The following NAT1 variants were observed in gnomAD, a reference collection of about 807,000 sequenced individuals.
NAT1 encodes the protein N-acetyltransferase 1, also known as arylamine N-acetyltransferase 1.
For missense variants in NAT1, 400 were observed against 339.2 expected (o/e 1.18, Z -1.41); for synonymous variants, 144 against 122.6 (o/e 1.17, Z -1.16).
chr8:18,192,538 C>T (rs1292440584), intron 2 of NAT1, among the ~76,000 whole-genome samples: 2 of 152,152 alleles, frequency 1.3e-5, no homozygotes, highest in Admixed American at 1.3e-4. Flanking sequence ...GACACATGCA[C>T]ACCTATGTTT....
intron 2 of NAT1, among the ~76,000 whole-genome samples, chr8:18,178,097 A>C (rs1488319373): frequency 1.3e-5 from 2 of 152,076 alleles, no homozygotes; most frequent in Non-Finnish European, 2.9e-5. Flanking sequence ...GGACAGAGGG[A>C]GGGAGATGGG....
intron 2 of NAT1, among the ~76,000 whole-genome samples, chr8:18,192,059 A>C (rs2117260180): frequency 6.6e-6 from 1 of 151,574 alleles, no homozygotes; most frequent in Middle Eastern, 3.4e-3. Context: ...GGCAACCTAC[A>C]AAATGGGAGA....
At chr8:18,189,098 A>C (rs1158933292) in intron 2 of NAT1, among the ~76,000 whole-genome samples, 2 of 152,116 alleles carry the variant, frequency 1.3e-5, no homozygotes, top group Admixed American at 1.3e-4. Context: ...TCTCAGTAAG[A>C]AATATTTATT....
chr8:18,222,238 G>A lies in NAT1; in HGVS notation c.191G>A (p.Arg64Gln), dbSNP rs138061602. 30 of 1,614,072 alleles carry A rather than the reference G, an allele frequency of 1.9e-5. No homozygotes were observed. Among genetic ancestry groups the A allele is most frequent in the East Asian group, 1.3e-4 (6 of 44,866 alleles). The change falls in exon 3 of 3, where the codon CGG becomes CAG. Residue 64 changes from arginine (R) to glutamine (Q), a missense_variant. Arg to Gln is a conservative substitution (Grantham distance 43). Transcript: ENST00000307719. ...TTTGATCAAGTTGTGAGAAGAAATC[G>A]GGGTGGATGGTGTCTCCAGGTCAAT... ...AIFDQVVRRN[R>Q]GGWCLQVNHL...
chr8:18,189,060 T>C (rs549444662), intron 2 of NAT1, among the ~76,000 whole-genome samples: 1 of 151,142 alleles, frequency 6.6e-6, no homozygotes, highest in African/African-American at 2.4e-5. Context: ...CTATCACATC[T>C]GCAGAGTATT....
At chr8:18,211,742 T>C (rs1191347600) in intron 1 of NAT1, among the ~76,000 whole-genome samples, 3 of 152,084 alleles carry the variant, frequency 2.0e-5, no homozygotes, top group African/African-American at 7.2e-5. Flanking sequence ...GGCTAGGTTG[T>C]AGTGTCAATT....
intron 2 of NAT1, among the ~76,000 whole-genome samples, chr8:18,173,815 A>G (rs1408794006): frequency 1.3e-5 from 2 of 152,190 alleles, no homozygotes; most frequent in Non-Finnish European, 2.9e-5. Flanking sequence ...CGACTACCCC[A>G]TAACATCAGA....
intron 1 of NAT1, among the ~76,000 whole-genome samples, chr8:18,215,102 G>A (rs555987730): frequency 6.6e-5 from 10 of 152,234 alleles, no homozygotes; most frequent in African/African-American, 2.4e-4. Flanking sequence ...TGGGCATTTA[G>A]GTTGATTCTG....
At chr8:18,206,238 C>G (rs902398621), upstream of NAT1, among the ~76,000 whole-genome samples, 1 of 152,164 alleles carries the variant, frequency 6.6e-6, no homozygotes, top group Non-Finnish European at 1.5e-5. Context: ...AGGGACAACA[C>G]CAGGTATGCA....
intron 2 of NAT1, among the ~76,000 whole-genome samples, chr8:18,203,197 C>G (rs1359644855): frequency 6.6e-6 from 1 of 152,036 alleles, no homozygotes; most frequent in Non-Finnish European, 1.5e-5. Context: ...TTTCACTACC[C>G]AAATATATGA....
chr8:18,171,235 C>T lies in NAT1; in HGVS notation n.92+496C>T, dbSNP rs115483568. On this transcript the variant is annotated intron_variant and non_coding_transcript_variant, in intron 2 of 4. Transcript: ENST00000517441. ...AGGTAATCTAAAATTAAAGTGGCCA[C>T]AGTGGTGACATTTAATTTGGACAGA... is the stretch of plus-strand genomic sequence containing the variant. Among the ~76,000 whole-genome samples the T allele has an allele frequency of 5.8e-3, 878 of 152,262 alleles. 7 individuals are homozygous for T. Among genetic ancestry groups the T allele is most frequent in the African/African-American group, 0.02 (832 of 41,534 alleles).
At position 18,197,984 on chromosome 8, in the gene NAT1, A is replaced by G. The variant is rs920060737; in HGVS notation, n.93-11797A>G. Reference sequence around the variant, plus strand: ...ATGATGAGACAACAAGGGATGCCAAAACAATTTAGAAAGAATATACTTACT... The same window carrying G: ...ATGATGAGACAACAAGGGATGCCAAGACAATTTAGAAAGAATATACTTACT... On this transcript the variant is annotated intron_variant and non_coding_transcript_variant, in intron 2 of 4. Coordinates refer to the NAT1 transcript ENST00000517441. 6.6e-5 allele frequency among the ~76,000 whole-genome samples: 10 copies of G among 152,264 alleles called. No homozygotes were observed. The East Asian group carries it at 1.2e-3, about 18-fold the overall frequency.
chr8:18,215,473 GTTGA>G (rs966107877), intron 1 of NAT1, among the ~76,000 whole-genome samples: 6 of 152,118 alleles, frequency 3.9e-5, no homozygotes, highest in Non-Finnish European at 8.8e-5. Flanking sequence ...TATGTATTCT[GTTGA>G]TTAATTAGTT....
At chr8:18,213,949 G>T (rs1020224806) in intron 1 of NAT1, among the ~76,000 whole-genome samples, 8 of 152,036 alleles carry the variant, frequency 5.3e-5, no homozygotes, top group African/African-American at 1.9e-4. Flanking sequence ...GAGTAGCTGG[G>T]ACTACAGGCA....
chr8:18,184,792 T>G (rs565327502), intron 2 of NAT1, among the ~76,000 whole-genome samples: 1 of 152,300 alleles, frequency 6.6e-6, no homozygotes, highest in Non-Finnish European at 1.5e-5. Context: ...CTCTTGGCCC[T>G]TCCACTTTCT....
chr8:18,203,998 T>G (rs2085606580), intron 2 of NAT1, among the ~76,000 whole-genome samples: 1 of 152,168 alleles, frequency 6.6e-6, no homozygotes, highest in Non-Finnish European at 1.5e-5. Context: ...AAAGTCCACT[T>G]GCATAAGAAA....
At chr8:18,218,245 G>A (rs766951800) in intron 1 of NAT1, among the ~76,000 whole-genome samples, 3 of 151,956 alleles carry the variant, frequency 2.0e-5, no homozygotes, top group Admixed American at 6.6e-5. Flanking sequence ...TTTGTAATTC[G>A]GTATTCTTGG....
intron 2 of NAT1, among the ~76,000 whole-genome samples, chr8:18,174,030 G>C (rs1442976983): frequency 6.6e-6 from 1 of 152,134 alleles, no homozygotes; most frequent in Non-Finnish European, 1.5e-5. Flanking sequence ...GTTGATGTGT[G>C]TGTGAGTCAT....
rs1391650890 is a variant in NAT1 at position 18,223,270 on chromosome 8, A to T, written c.*350A>T. On this transcript the variant is annotated 3_prime_UTR_variant, in exon 3 of 3. Coordinates refer to ENST00000307719, the MANE Select transcript of NAT1 (RefSeq NM_000662.8). ...TGAGTAAATAAAATATTGTAAAAAA[A>T]CTTATTGTCTATAAAGTATATTAAA... 6.0e-6 allele frequency: 1 copy of T among 167,380 alleles called. No homozygotes were observed. The highest frequency in any genetic ancestry group is 2.4e-5 in the African/African-American group (1 of 41,470). 10.4% of individuals were successfully genotyped at this position (167,380 alleles called of 1,614,324 possible). A position where few individuals can be genotyped will look rare whatever the true frequency, so the allele number is the denominator to read the frequency against.
Sources: gnomAD v4.1 joint callset for allele counts (sites outside exome capture counted in the v4.1 genomes callset) on GRCh38, gnomAD v4.1.1 for gene constraint, MANE v1.5 for transcripts, NCBI Gene and HGNC (gene_info 2026-07-23, HGNC 2026-07-21) for gene names.